AATF: variants seen among roughly 807,000 people sequenced by gnomAD.
AATF encodes the protein apoptosis antagonizing transcription factor.
Under a neutral mutation model 63.7 loss-of-function variants are expected in AATF, and 48 were observed. The observed-to-expected ratio is 0.75, with a 90% CI of 0.60 to 0.96. The LOEUF (loss-of-function observed/expected upper bound fraction) is 0.96, where lower values mean the gene tolerates loss of function less well. Ranked by LOEUF, AATF falls within the 40% of genes least tolerant of loss-of-function variation. AATF has a pLI of 0.00. For missense variants in AATF, 639 were observed against 685.7 expected (o/e 0.93, Z 0.76); for synonymous variants, 258 against 247.7 (o/e 1.04, Z -0.39).
At chr17:36,957,933 A>G (rs2142208080) in intron 4 of AATF, among the ~76,000 whole-genome samples, 1 of 152,262 alleles carries the variant, frequency 6.6e-6, no homozygotes, top group East Asian at 1.9e-4. Context: ...AACTAAATGA[A>G]TATCTCCTTC....
At position 36,950,223 on chromosome 17, in the gene AATF, C is replaced by A; in HGVS notation, c.101C>A (p.Ala34Asp). The A allele has an allele frequency of 1.2e-6, 2 of 1,613,426 alleles. No homozygotes were observed. Among genetic ancestry groups the A allele is most frequent in the South Asian group, 2.2e-5 (2 of 91,050 alleles). ...CCCTCTCCCCCGACAGCCACTGCTGCCAGGGTGATTGACAGGTTTGATGAA... is the reference window on the plus strand; with the variant it reads ...CCCTCTCCCCCGACAGCCACTGCTGACAGGGTGATTGACAGGTTTGATGAA... ...PEADPEEATA[A>D]RVIDRFDEGE... is the part of the protein sequence containing the mutation. The change falls in exon 2 of 12, where the codon GCC (alanine) becomes GAC (aspartate). Residue 34 changes from alanine (A) to aspartate (D), a missense_variant. Physicochemically the swap from Ala to Asp is moderately radical, Grantham distance 126. Transcript: ENST00000619387.
chr17:36,989,614 G>A (rs1223491666), intron 7 of AATF, among the ~76,000 whole-genome samples: 1 of 152,148 alleles, frequency 6.6e-6, no homozygotes, highest in African/African-American at 2.4e-5. Context: ...TAACTCCTGT[G>A]TGTCATCTTC....
At chr17:37,010,780 C>T (rs571115862) in intron 8 of AATF, among the ~76,000 whole-genome samples, 2 of 152,122 alleles carry the variant, frequency 1.3e-5, no homozygotes, top group Non-Finnish European at 2.9e-5. Flanking sequence ...AGCCTGTTCC[C>T]GCAGTGCATA....
chr17:37,051,914 A>T (rs1405513989), intron 11 of AATF, among the ~76,000 whole-genome samples: 1 of 152,268 alleles, frequency 6.6e-6, no homozygotes, highest in African/African-American at 2.4e-5. Context: ...TAAAAGAAAT[A>T]AAAATGTTAG....
At chr17:36,952,348 C>A (rs1449147481) in intron 2 of AATF, among the ~76,000 whole-genome samples, 1 of 152,232 alleles carries the variant, frequency 6.6e-6, no homozygotes, top group East Asian at 1.9e-4. Context: ...CTCCTCCCAG[C>A]AAGTATTAAA....
At chr17:37,022,149 TGTGA>T (rs762958034) in intron 10 of AATF, among the ~76,000 whole-genome samples, 14,749 of 146,196 alleles carry the variant, frequency 0.1, 779 homozygotes, top group East Asian at 0.13. Context: ...TGTGTGTGTG[TGTGA>T]GAAACACAGT....
rs1323183253 is a variant in AATF at position 36,949,209 on chromosome 17, C to G, written c.84C>G (p.Pro28=). 1.9e-6 allele frequency: 3 copies of G among 1,590,896 alleles called. No individual in the cohort carries two copies. The highest frequency in any genetic ancestry group is 2.6e-6 in the Non-Finnish European group (3 of 1,170,482). Residue 28 remains proline, a synonymous_variant, in exon 1 of 12, where the codon CCC becomes CCG. Coordinates refer to ENST00000619387, the MANE Select transcript of AATF (RefSeq NM_012138.4). ...RPSEADPEAD[P]EEATAARVID... ...GCGAGGCGGACCCTGAAGCGGACCC[C>G]GAGGAAGGTGAGGCCGGACTGGGGC...
chr17:36,982,092 A>C (rs1207140559), intron 4 of AATF, among the ~76,000 whole-genome samples: 5 of 152,106 alleles, frequency 3.3e-5, no homozygotes, highest in Non-Finnish European at 1.5e-5. Context: ...TATTGGAAAT[A>C]GTATTTGTCT....
chr17:36,958,395 G>C (rs2070919419), intron 4 of AATF, among the ~76,000 whole-genome samples: 1 of 152,052 alleles, frequency 6.6e-6, no homozygotes, highest in South Asian at 2.1e-4. Flanking sequence ...CTAAACTCCT[G>C]ATCTTGTGAT....
chr17:36,950,141 G>A lies in AATF; in HGVS notation c.92-73G>A, dbSNP rs867564724. On this transcript the variant is annotated intron_variant, in intron 1 of 11. Transcript: ENST00000619387. ...AAGGACGTTCAACTATGAGATAAAT[G>A]GGTCGACCAGGGTTCCCGTTAAAGT... is the stretch of plus-strand genomic sequence containing the variant. 1.8e-5 allele frequency: 27 copies of A among 1,512,932 alleles called. No homozygotes were observed. The South Asian group carries it at 2.8e-4, about 16-fold the overall frequency. The allele number at this position is 1,512,932 out of a possible 1,614,324, so 93.7% of individuals were successfully genotyped here.
At chr17:37,008,446 G>C (rs2071358287) in intron 8 of AATF, among the ~76,000 whole-genome samples, 1 of 152,200 alleles carries the variant, frequency 6.6e-6, no homozygotes, top group Non-Finnish European at 1.5e-5. Context: ...GAACTGTGCA[G>C]TACACACTTC....
intron 10 of AATF, 165 bp from the exon 11 acceptor site, chr17:37,031,449 G>A (rs1597733457): frequency 1.6e-6 from 1 of 639,768 alleles, no homozygotes; most frequent in South Asian, 1.8e-5. Context: ...ACTGTAGTTG[G>A]TCATCCCAAT....
At chr17:36,982,967 C>T (rs531427063) in intron 4 of AATF, among the ~76,000 whole-genome samples, 9 of 152,170 alleles carry the variant, frequency 5.9e-5, no homozygotes, top group African/African-American at 2.2e-4. Context: ...TTGCAACTGG[C>T]TTATTTCACT....
At chr17:36,961,580 T>C (rs1252903233) in intron 4 of AATF, among the ~76,000 whole-genome samples, 1 of 152,224 alleles carries the variant, frequency 6.6e-6, no homozygotes, top group African/African-American at 2.4e-5. Context: ...TTTGAGTGCT[T>C]AGTAGCCACG....
intron 11 of AATF, among the ~76,000 whole-genome samples, chr17:37,038,904 C>T (rs1206709395): frequency 1.3e-5 from 2 of 152,158 alleles, no homozygotes; most frequent in Non-Finnish European, 2.9e-5. Context: ...GCAATCCAGC[C>T]TTGTAAAGTG....
At chr17:36,970,860 G>A (rs1273721047) in intron 4 of AATF, among the ~76,000 whole-genome samples, 1 of 151,284 alleles carries the variant, frequency 6.6e-6, no homozygotes, top group Non-Finnish European at 1.5e-5. Flanking sequence ...ATGGTGCTGG[G>A]ACAATTGTGC....
At chr17:36,991,559 G>A (rs980473199) in intron 8 of AATF, among the ~76,000 whole-genome samples, 1 of 150,496 alleles carries the variant, frequency 6.6e-6, no homozygotes, top group Non-Finnish European at 1.5e-5. Flanking sequence ...ATAACTTCCT[G>A]TATTCCTGAG....
intron 10 of AATF, among the ~76,000 whole-genome samples, chr17:37,022,308 G>C (rs2071479041): frequency 6.6e-6 from 1 of 152,140 alleles, no homozygotes; most frequent in African/African-American, 2.4e-5. Context: ...ATTCCCTTTA[G>C]ACAAATGTGG....
At chr17:36,983,440 C>T (rs1322768797) in intron 4 of AATF, among the ~76,000 whole-genome samples, 1 of 151,990 alleles carries the variant, frequency 6.6e-6, no homozygotes. Flanking sequence ...CTCCACCTCA[C>T]GGGTCCAAGT....
Sources: allele counts gnomAD v4.1 joint callset (sites outside exome capture counted in the v4.1 genomes callset), GRCh38; gene constraint gnomAD v4.1.1; transcripts MANE v1.5; gene names NCBI Gene and HGNC (gene_info 2026-07-23, HGNC 2026-07-21).